Variants in ARMC3 observed in about 807,000 individuals in gnomAD.
The protein encoded by ARMC3 is armadillo repeat containing 3, also known as armadillo repeat-containing protein 3.
A neutral mutation model predicts 90.3 loss-of-function variants in ARMC3; 74 were observed. The observed-to-expected ratio is 0.82, with a 90% CI of 0.68 to 0.99. The LOEUF is 0.99. Ranked by LOEUF, ARMC3 falls within the 50% of genes least tolerant of loss-of-function variation. The pLI is 0.00. For missense variants in ARMC3, 958 were observed against 1,042.8 expected (o/e 0.92, Z 1.12); for synonymous variants, 334 against 361.8 (o/e 0.92, Z 0.87).
intron 8 of ARMC3, among the ~76,000 whole-genome samples, chr10:22,975,850 C>T (rs2131319358): frequency 6.6e-6 from 1 of 152,088 alleles, no homozygotes; most frequent in South Asian, 2.1e-4. Context: ...ATCTTTTTTC[C>T]TCATGAATAC....
intron 2 of ARMC3, among the ~76,000 whole-genome samples, chr10:22,940,639 C>T (rs1834290870): frequency 6.6e-6 from 1 of 152,046 alleles, no homozygotes; most frequent in Non-Finnish European, 1.5e-5. Context: ...GTGCATGCCA[C>T]CACACCTGGC....
At chr10:23,016,853 A>T (rs556639876) in intron 16 of ARMC3, among the ~76,000 whole-genome samples, 56 of 152,106 alleles carry the variant, frequency 3.7e-4, no homozygotes, top group African/African-American at 1.1e-3. Flanking sequence ...TGTGAGACAC[A>T]CTCCTGCCTC....
At chr10:22,947,836 A>G (rs1246593228) in intron 3 of ARMC3, among the ~76,000 whole-genome samples, 5 of 152,212 alleles carry the variant, frequency 3.3e-5, no homozygotes, top group Admixed American at 1.3e-4. Flanking sequence ...AAAAATTATA[A>G]ATATTACACA....
chr10:22,958,869 A>C (rs755242830), intron 4 of ARMC3, among the ~76,000 whole-genome samples: 12 of 152,028 alleles, frequency 7.9e-5, no homozygotes, highest in Non-Finnish European at 1.3e-4. Context: ...TTACAGATAC[A>C]AGCCACCATA....
intron 3 of ARMC3, among the ~76,000 whole-genome samples, chr10:22,951,706 T>A (rs1834745769): frequency 2.0e-5 from 3 of 152,036 alleles, no homozygotes; most frequent in Admixed American, 2.0e-4. Context: ...AAAATCAGAA[T>A]TGAAAATTAA....
intron 10 of ARMC3, among the ~76,000 whole-genome samples, chr10:22,989,400 A>T (rs1400650120): frequency 6.6e-6 from 1 of 152,170 alleles, no homozygotes; most frequent in Non-Finnish European, 1.5e-5. Flanking sequence ...TAAATGTAAT[A>T]CTCTTGAACA....
At chr10:23,010,277 T>TCTCTC (rs1418743179) in intron 16 of ARMC3, among the ~76,000 whole-genome samples, 35 of 133,288 alleles carry the variant, frequency 2.6e-4, no homozygotes, top group Non-Finnish European at 4.2e-4. Context: ...TCCCTTCCCT[T>TCTCTC]CCCTCTCTTT....
chr10:22,966,636 G>A (rs1426027495), intron 7 of ARMC3, among the ~76,000 whole-genome samples: 1 of 152,176 alleles, frequency 6.6e-6, no homozygotes, highest in Non-Finnish European at 1.5e-5. Flanking sequence ...ATAAAGAACT[G>A]CCCGAGACTG....
intron 15 of ARMC3, 54 bp from the exon 16 acceptor site, chr10:23,008,761 A>G (rs1337333288): frequency 4.3e-6 from 6 of 1,409,620 alleles, no homozygotes; most frequent in South Asian, 1.2e-5. Flanking sequence ...AATGTAATGT[A>G]TTGTTGTTTT....
chr10:23,002,776 G>T (rs1374640339), intron 12 of ARMC3, among the ~76,000 whole-genome samples: 1 of 151,922 alleles, frequency 6.6e-6, no homozygotes, highest in Admixed American at 6.6e-5. Flanking sequence ...GTTTTGCCGT[G>T]TTGGCCAGGC....
intron 18 of ARMC3, among the ~76,000 whole-genome samples, 197 bp downstream of exon 18, chr10:23,033,220 C>T (rs1456625109): frequency 6.6e-6 from 1 of 152,032 alleles, no homozygotes; most frequent in Non-Finnish European, 1.5e-5. Flanking sequence ...CATGCATATA[C>T]ACACATACCT....
chr10:22,960,716 A>C (rs1323084357), intron 6 of ARMC3: 1 of 152,238 alleles, frequency 6.6e-6, no homozygotes, highest in Non-Finnish European at 1.5e-5. Flanking sequence ...GGCTGTTGTA[A>C]CAAAGTACTA....
At chr10:22,985,897 T>C (rs942227712) in intron 10 of ARMC3, among the ~76,000 whole-genome samples, 2 of 152,168 alleles carry the variant, frequency 1.3e-5, no homozygotes, top group African/African-American at 4.8e-5. Flanking sequence ...GTTCTCTCCC[T>C]CACCCCGTTT....
At chr10:23,015,374 T>G (rs1319321541) in intron 16 of ARMC3, among the ~76,000 whole-genome samples, 1 of 152,226 alleles carries the variant, frequency 6.6e-6, no homozygotes, top group Non-Finnish European at 1.5e-5. Context: ...AACCAACATA[T>G]CTAACATTTC....
chr10:23,026,565 T>TAAA (rs1838723831), intron 16 of ARMC3, among the ~76,000 whole-genome samples: 1 of 151,984 alleles, frequency 6.6e-6, no homozygotes, highest in South Asian at 2.1e-4. Context: ...AAAATAAAAA[T>TAAA]AAAACTGTTG....
intron 8 of ARMC3, among the ~76,000 whole-genome samples, chr10:22,978,235 T>C (rs1836021030): frequency 6.6e-6 from 1 of 152,216 alleles, no homozygotes; most frequent in African/African-American, 2.4e-5. Context: ...CTGGGTAATT[T>C]ATAAAGGAAA....
chr10:22,958,967 C>T, intron 4 of ARMC3, 103 bp from the exon 5 acceptor site: 1 of 910,984 alleles, frequency 1.1e-6, no homozygotes, highest in East Asian at 2.6e-5. Flanking sequence ...AAGTGATTCA[C>T]CCGCCTCAGC....
At position 23,026,401 on chromosome 10, in the gene ARMC3, G is replaced by A. The variant is rs116457755; in HGVS notation, c.2046-4195G>A. ...AGAATAATTTATCTGAGCAACTTGAGGGCTTTATCCTAGGAATGCAAGCCT... is the reference window on the plus strand; with the variant it reads ...AGAATAATTTATCTGAGCAACTTGAAGGCTTTATCCTAGGAATGCAAGCCT... On this transcript the variant is annotated intron_variant, in intron 16 of 18. Coordinates refer to ENST00000298032, the MANE Select transcript of ARMC3 (RefSeq NM_173081.5). 1.5e-3 allele frequency among the ~76,000 whole-genome samples: 222 copies of A among 152,092 alleles called. 2 individuals carry two copies. Among genetic ancestry groups the A allele is most frequent in the African/African-American group, 5.3e-3 (218 of 41,508 alleles).
intron 16 of ARMC3, among the ~76,000 whole-genome samples, chr10:23,018,741 C>T (rs1364545202): frequency 1.3e-5 from 2 of 152,116 alleles, no homozygotes; most frequent in Non-Finnish European, 2.9e-5. Flanking sequence ...TGGTCTCGAT[C>T]TTCTGACCTC....
Sources: gnomAD v4.1 joint callset for allele counts (sites outside exome capture counted in the v4.1 genomes callset) on GRCh38, gnomAD v4.1.1 for gene constraint, MANE v1.5 for transcripts, NCBI Gene and HGNC (gene_info 2026-07-23, HGNC 2026-07-21) for gene names.